Variants in SYTL5 observed in about 807,000 individuals in gnomAD.
SYTL5 encodes the protein synaptotagmin like 5, also known as synaptotagmin-like protein 5.
In SYTL5, 34 loss-of-function variants were observed where a neutral mutation model predicts 55.9. The ratio of observed to expected loss-of-function variants is 0.61; its 90% CI spans 0.46 to 0.81. SYTL5 has a LOEUF of 0.81. Ranked by LOEUF, SYTL5 falls within the 30% of genes least tolerant of loss-of-function variation. The pLI, the probability that SYTL5 is intolerant of heterozygous loss-of-function variation, is 0.00. For synonymous variants in SYTL5, 221 were observed against 188.7 expected (o/e 1.17, Z -1.40); for missense variants, 637 against 546.7 (o/e 1.17, Z -1.65).
At chrX:37,891,632 A>G in the SYTL5 span, among the ~76,000 whole-genome samples, 1 of 111,666 alleles carries the variant, frequency 9.0e-6, no homozygotes, top group Admixed American at 9.5e-5. Flanking sequence ...TATGTAAATT[A>G]TATCTCAATA....
At chrX:37,912,843 G>C in the SYTL5 span, among the ~76,000 whole-genome samples, 3,653 of 111,887 alleles carry the variant, frequency 0.033, 70 homozygotes, top group Non-Finnish European at 0.051. Flanking sequence ...GAGTTGCCAT[G>C]CAATATCTAT....
chrX:37,990,892 A>G, the SYTL5 span: 2 of 1,209,351 alleles, frequency 1.7e-6, no homozygotes, highest in Admixed American at 4.4e-5. Flanking sequence ...AACCAGACTC[A>G]AGACCCTTCT....
chrX:37,971,001 C>A, the SYTL5 span, among the ~76,000 whole-genome samples: 1 of 112,086 alleles, frequency 8.9e-6, no homozygotes, highest in Non-Finnish European at 1.9e-5. Flanking sequence ...TTTAACGCCA[C>A]CTTATTTAGT....
chrX:38,083,821 G>T (rs917562539), intron 6 of SYTL5, among the ~76,000 whole-genome samples: 2 of 92,948 alleles, frequency 2.2e-5, no homozygotes, highest in African/African-American at 1.0e-4. Context: ...TGTGCGCATA[G>T]GCACTGTGGT....
the SYTL5 span, among the ~76,000 whole-genome samples, chrX:37,905,413 T>C: frequency 2.6e-5 from 2 of 75,834 alleles, no homozygotes; most frequent in Non-Finnish European, 4.7e-5. Flanking sequence ...GGTGGATGTG[T>C]CAGATGGGCC....
At chrX:38,030,715 G>A (rs1569161007) in intron 1 of SYTL5, among the ~76,000 whole-genome samples, 1 of 112,051 alleles carries the variant, frequency 8.9e-6, no homozygotes, top group Non-Finnish European at 1.9e-5. Flanking sequence ...ATTGAAGCTG[G>A]GCCACCGTTG....
chrX:37,935,659 A>G, the SYTL5 span, among the ~76,000 whole-genome samples: 1 of 112,130 alleles, frequency 8.9e-6, no homozygotes, highest in African/African-American at 3.2e-5. Context: ...TTGTAATTAA[A>G]TTGGCATGAA....
chrX:38,027,824 C>CTTTT (rs111523397), intron 1 of SYTL5, among the ~76,000 whole-genome samples: 1 of 90,802 alleles, frequency 1.1e-5, no homozygotes, highest in Non-Finnish European at 2.1e-5. Flanking sequence ...AATTCTTCTT[C>CTTTT]TTTTTTTTTT....
At chrX:37,967,943 C>T in the SYTL5 span, among the ~76,000 whole-genome samples, 7 of 107,679 alleles carry the variant, frequency 6.5e-5, no homozygotes, top group Non-Finnish European at 1.3e-4. Flanking sequence ...GCAATTGAAC[C>T]TCTCTAGTGA....
chrX:37,897,250 C>T, the SYTL5 span, among the ~76,000 whole-genome samples: 7 of 107,208 alleles, frequency 6.5e-5, no homozygotes, highest in Middle Eastern at 5.6e-3. Flanking sequence ...TTTGTGAGGC[C>T]GAGGTGGGCA....
At chrX:38,050,386 A>G (rs1194459235) in intron 2 of SYTL5, among the ~76,000 whole-genome samples, 1 of 112,145 alleles carries the variant, frequency 8.9e-6, no homozygotes, top group Non-Finnish European at 1.9e-5. Flanking sequence ...ATGGAAAAAA[A>G]CATTCAATAT....
intron 2 of SYTL5, among the ~76,000 whole-genome samples, chrX:38,039,058 G>A (rs780013060): frequency 1.8e-5 from 2 of 111,779 alleles, no homozygotes; most frequent in South Asian, 3.8e-4. Context: ...TACCCAGAAG[G>A]CACATGGCAA....
chrX:37,980,711 G>T, the SYTL5 span, among the ~76,000 whole-genome samples: 1 of 111,168 alleles, frequency 9.0e-6, no homozygotes, highest in African/African-American at 3.3e-5. Context: ...AGAAGTTCAG[G>T]ACTTCAGCAT....
the SYTL5 span, among the ~76,000 whole-genome samples, chrX:37,932,664 C>T: frequency 8.9e-6 from 1 of 111,894 alleles, no homozygotes; most frequent in Non-Finnish European, 1.9e-5. Context: ...TGTCACATAA[C>T]AACCACCTCA....
intron 3 of SYTL5, among the ~76,000 whole-genome samples, chrX:38,057,173 T>C (rs1202609715): frequency 8.9e-6 from 1 of 111,740 alleles, no homozygotes; most frequent in Admixed American, 9.5e-5. Flanking sequence ...TGGTGAGAGA[T>C]ATGGGTCTAG....
chrX:38,049,268 A>C (rs1935560163), intron 2 of SYTL5, among the ~76,000 whole-genome samples: 1 of 112,179 alleles, frequency 8.9e-6, no homozygotes, highest in Non-Finnish European at 1.9e-5. Context: ...ACATCTCTGC[A>C]AGTGGAAGAA....
the SYTL5 span, among the ~76,000 whole-genome samples, chrX:37,974,478 A>T: frequency 8.9e-6 from 1 of 112,021 alleles, no homozygotes; most frequent in Non-Finnish European, 1.9e-5. Context: ...TTTTGGGATG[A>T]TGAAAAGGTC....
the SYTL5 span, among the ~76,000 whole-genome samples, chrX:37,893,248 G>A: frequency 1.4e-5 from 1 of 73,283 alleles, no homozygotes; most frequent in African/African-American, 8.7e-5. Flanking sequence ...TACTATATAT[G>A]TATATATAAC....
chrX:38,018,714 C>A (rs888133633), intron 1 of SYTL5, among the ~76,000 whole-genome samples: 2 of 111,623 alleles, frequency 1.8e-5, no homozygotes, highest in Non-Finnish European at 3.8e-5. Context: ...CTTAGGTATT[C>A]TTATGCACAC....
Sources: allele counts gnomAD v4.1 joint callset (sites outside exome capture counted in the v4.1 genomes callset), GRCh38; gene constraint gnomAD v4.1.1; transcripts MANE v1.5; gene names NCBI Gene and HGNC (gene_info 2026-07-23, HGNC 2026-07-21).